The following CAMK4 variants were observed in gnomAD, a reference collection of about 807,000 sequenced individuals.
The protein encoded by CAMK4 is calcium/calmodulin dependent protein kinase IV, also known as calcium/calmodulin-dependent protein kinase type IV.
A neutral mutation model predicts 44.9 loss-of-function variants in CAMK4; 22 were observed. That is an observed-to-expected ratio of 0.49 (90% CI 0.35 to 0.70). CAMK4 has a LOEUF of 0.70. CAMK4 is among the 30% of genes least tolerant of loss of function. CAMK4 has a pLI of 0.01. For missense variants in CAMK4, 498 were observed against 586.8 expected (o/e 0.85, Z 1.56); for synonymous variants, 218 against 215.4 (o/e 1.01, Z -0.11).
At chr5:111,438,498 T>A (rs12187999) in intron 5 of CAMK4, among the ~76,000 whole-genome samples, 2,194 of 152,236 alleles carry the variant, frequency 0.014, 28 homozygotes, top group Middle Eastern at 0.02. Flanking sequence ...TTAGAGAAAA[T>A]TTATTGTAAA....
rs1185633694 is a variant in CAMK4 at position 111,489,878 on chromosome 5, A to T, written c.*5412A>T. 1 of 152,208 alleles carries T rather than the reference A, an allele frequency of 6.6e-6. No individual in the cohort carries two copies. The highest frequency in any genetic ancestry group is 1.5e-5 in the Non-Finnish European group (1 of 68,046). 9.4% of individuals were successfully genotyped at this position (152,208 alleles called of 1,614,324 possible). A position where few individuals can be genotyped will look rare whatever the true frequency, so the allele number is the denominator to read the frequency against. ...CAGATCAGTGTTTTGTTCCATCCCT[A>T]TGGTCATCTCTAAAGCCCTGACAGG... On this transcript the variant is annotated 3_prime_UTR_variant, in exon 11 of 11. Transcript: ENST00000282356.
chr5:111,324,115 TAGA>T (rs1748775696), intron 1 of CAMK4, among the ~76,000 whole-genome samples: 2 of 151,706 alleles, frequency 1.3e-5, no homozygotes, highest in Non-Finnish European at 1.5e-5. Flanking sequence ...ATTGATAAAG[TAGA>T]AGATTAAAAA....
Position 111,485,356 on chromosome 5 carries a change from TAAG to T in CAMK4, c.*893_*895del, listed in dbSNP as rs1415058727. 2 of 152,220 alleles carry T rather than the reference TAAG, an allele frequency of 1.3e-5. No homozygotes were observed. The highest frequency in any genetic ancestry group is 2.9e-5 in the Non-Finnish European group (2 of 68,024). The allele number at this position is 152,220 out of a possible 1,614,324, so 9.4% of individuals were successfully genotyped here. On this transcript the variant is annotated 3_prime_UTR_variant, in exon 11 of 11. Transcript: ENST00000282356. ...TCATGAATTTATACAACTTTACAGA[TAAG>T]AACATTTTAATGGATAAACTCTATA...
intron 7 of CAMK4, among the ~76,000 whole-genome samples, chr5:111,451,350 T>A (rs1246969805): frequency 6.6e-6 from 1 of 151,956 alleles, no homozygotes; most frequent in Admixed American, 6.6e-5. Flanking sequence ...ATATATATAT[T>A]TTTTGAGACA....
At chr5:111,236,009 C>G (rs763499058) in intron 1 of CAMK4, among the ~76,000 whole-genome samples, 1 of 152,212 alleles carries the variant, frequency 6.6e-6, no homozygotes, top group African/African-American at 2.4e-5. Context: ...TGTTACTTGA[C>G]GGCCCTGCCT....
At chr5:111,375,402 T>G (rs568644419) in intron 3 of CAMK4, among the ~76,000 whole-genome samples, 1 of 152,306 alleles carries the variant, frequency 6.6e-6, no homozygotes, top group East Asian at 1.9e-4. Context: ...GCTTCAGGCT[T>G]TGTCCAGACA....
At chr5:111,473,447 A>G in intron 8 of CAMK4, 61 bp downstream of exon 8, 1 of 1,045,622 alleles carries the variant, frequency 9.6e-7, no homozygotes. Flanking sequence ...TTTTCTAGAT[A>G]CCTCTAATGC....
At chr5:111,422,761 G>C (rs1271024782) in intron 5 of CAMK4, among the ~76,000 whole-genome samples, 4 of 152,000 alleles carry the variant, frequency 2.6e-5, no homozygotes, top group Non-Finnish European at 4.4e-5. Flanking sequence ...ATTTGTATTT[G>C]TTTTTATCTT....
chr5:111,283,335 C>G (rs1751100629), intron 1 of CAMK4, among the ~76,000 whole-genome samples: 1 of 152,136 alleles, frequency 6.6e-6, no homozygotes, highest in Non-Finnish European at 1.5e-5. Context: ...GAAAGGAAAA[C>G]ATAAGAAAAA....
intron 1 of CAMK4, among the ~76,000 whole-genome samples, chr5:111,298,657 G>A (rs1359458858): frequency 1.3e-5 from 2 of 151,266 alleles, no homozygotes; most frequent in African/African-American, 4.9e-5. Context: ...CCCTGGAGCA[G>A]GTGTCATAAC....
chr5:111,283,455 C>T (rs1027224775), intron 1 of CAMK4, among the ~76,000 whole-genome samples: 3 of 152,166 alleles, frequency 2.0e-5, no homozygotes, highest in African/African-American at 4.8e-5. Context: ...TACTCTGTGC[C>T]GTCAAAAGTA....
At chr5:111,353,554 A>C (rs1010632611) in intron 2 of CAMK4, among the ~76,000 whole-genome samples, 1 of 152,142 alleles carries the variant, frequency 6.6e-6, no homozygotes, top group African/African-American at 2.4e-5. Flanking sequence ...TTCTTGGTAG[A>C]AGTAAAATTG....
chr5:111,400,672 G>A (rs997285305), intron 5 of CAMK4, among the ~76,000 whole-genome samples: 6 of 151,896 alleles, frequency 4.0e-5, no homozygotes, highest in Non-Finnish European at 5.9e-5. Context: ...AGCTTTTAAA[G>A]TGTGTTTGAA....
At chr5:111,296,334 GA>G (rs1345829419) in intron 1 of CAMK4, among the ~76,000 whole-genome samples, 1 of 152,144 alleles carries the variant, frequency 6.6e-6, no homozygotes, top group Non-Finnish European at 1.5e-5. Context: ...CATTACTCAG[GA>G]AAAGTCTGGA....
At chr5:111,430,549 G>C (rs1216528126) in intron 5 of CAMK4, among the ~76,000 whole-genome samples, 1 of 152,154 alleles carries the variant, frequency 6.6e-6, no homozygotes, top group Non-Finnish European at 1.5e-5. Flanking sequence ...CTTATATTTG[G>C]AGAAAACCTT....
At chr5:111,474,440 C>T (rs576384726) in intron 8 of CAMK4, among the ~76,000 whole-genome samples, 7 of 152,248 alleles carry the variant, frequency 4.6e-5, no homozygotes, top group African/African-American at 1.2e-4. Context: ...AGAAAGCAAG[C>T]TCTGTGTACT....
intron 1 of CAMK4, among the ~76,000 whole-genome samples, chr5:111,279,496 G>A (rs972929831): frequency 2.0e-5 from 3 of 151,354 alleles, no homozygotes; most frequent in Admixed American, 2.0e-4. Flanking sequence ...GGAGTGGGGA[G>A]TAAAATTTTC....
chr5:111,408,355 G>A (rs1347723343), intron 5 of CAMK4, among the ~76,000 whole-genome samples: 3 of 152,308 alleles, frequency 2.0e-5, no homozygotes, highest in East Asian at 1.9e-4. Flanking sequence ...AGAAGGCAAA[G>A]GAGAAGCAAA....
At chr5:111,327,672 T>C (rs1287211393) in intron 1 of CAMK4, among the ~76,000 whole-genome samples, 1 of 151,678 alleles carries the variant, frequency 6.6e-6, no homozygotes, top group African/African-American at 2.4e-5. Context: ...CAGCACCTGT[T>C]GTTTCCTGAC....
Sources: allele counts gnomAD v4.1 joint callset (sites outside exome capture counted in the v4.1 genomes callset), GRCh38; gene constraint gnomAD v4.1.1; transcripts MANE v1.5; gene names NCBI Gene and HGNC (gene_info 2026-07-23, HGNC 2026-07-21).